The following COG2 variants were observed in gnomAD, a reference collection of about 807,000 sequenced individuals.
The protein encoded by COG2 is component of oligomeric golgi complex 2.
In COG2, 52 loss-of-function variants were observed where a neutral mutation model predicts 90.6. The ratio of observed to expected loss-of-function variants is 0.57; its 90% CI spans 0.46 to 0.72. The LOEUF is 0.72. Ranked by LOEUF, COG2 falls within the 30% of genes least tolerant of loss-of-function variation. The pLI is 0.00. For synonymous variants in COG2, 337 were observed against 320.4 expected, an observed-to-expected ratio of 1.05 and a Z score of -0.55; for missense variants, 829 against 891.2, an observed-to-expected ratio of 0.93 and a Z score of 0.89.
intron 16 of COG2, 164 bp downstream of exon 16, chr1:230,690,317 C>G: frequency 1.6e-6 from 1 of 609,372 alleles, no homozygotes; most frequent in Non-Finnish European, 2.7e-6. Context: ...TCCTCCCTCC[C>G]CACACCCTTG....
intron 9 of COG2, 98 bp downstream of exon 9, chr1:230,675,222 T>TA (rs1301263079): frequency 7.3e-6 from 10 of 1,379,164 alleles, no homozygotes; most frequent in Non-Finnish European, 6.7e-6. Flanking sequence ...TGTGGTTTAT[T>TA]AAAAATAAAA....
intron 3 of COG2, among the ~76,000 whole-genome samples, chr1:230,662,094 C>T (rs923032846): frequency 6.6e-6 from 1 of 152,138 alleles, no homozygotes; most frequent in Non-Finnish European, 1.5e-5. Context: ...ATTCACTCTC[C>T]CGAATTCTGC....
At chr1:230,676,537 G>GT (rs557190427) in intron 9 of COG2, among the ~76,000 whole-genome samples, 1 of 151,586 alleles carries the variant, frequency 6.6e-6, no homozygotes, top group Non-Finnish European at 1.5e-5. Context: ...CTTCTATTAC[G>GT]TTTTTTTTAA....
rs200403799 is a variant in COG2, at chr1:230,671,621, A to C, written c.880A>C (p.Thr294Pro). 5.0e-6 allele frequency: 8 copies of C among 1,613,764 alleles called. No individual in the cohort carries two copies. Among genetic ancestry groups the C allele is most frequent in the Non-Finnish European group, 6.8e-6 (8 of 1,179,782 alleles). ...PHHCRLLREV[T>P]GGAISSEKGN... The stretch of plus-strand genomic sequence containing the variant: ...CCATTGCCGCCTTCTTCGAGAAGTC[A>C]CAGGAGGTGCCATCTCCAGGTAATT... The change falls in exon 8 of 18, where the codon ACA (threonine) becomes CCA (proline). Residue 294 changes from threonine (T) to proline (P), a missense_variant. By Grantham distance (38) the Thr-to-Pro change is conservative. Transcript: ENST00000366669.
chr1:230,659,943 A>G (rs1471196360), intron 2 of COG2, among the ~76,000 whole-genome samples: 1 of 152,244 alleles, frequency 6.6e-6, no homozygotes, highest in Non-Finnish European at 1.5e-5. Flanking sequence ...CCAATTTGCA[A>G]GAGCAAATAT....
At chr1:230,674,925 G>A in intron 8 of COG2, 73 bp from the exon 9 acceptor site, 1 of 1,227,982 alleles carries the variant, frequency 8.1e-7, no homozygotes, top group South Asian at 1.7e-5. Flanking sequence ...TTTGGCAGAA[G>A]CAACACAGTG....
Position 230,690,039 on chromosome 1 carries a change from A to T in COG2, c.1820A>T (p.Tyr607Phe). 1 of 1,609,742 alleles carries T rather than the reference A, an allele frequency of 6.2e-7. No homozygotes were observed. Among genetic ancestry groups the T allele is most frequent in the Non-Finnish European group, 8.5e-7 (1 of 1,178,066 alleles). Reference protein sequence around the residue: ...NKEVPTTASSYVDSALKPLFQ... With the variant: ...NKEVPTTASSFVDSALKPLFQ... ...GAGGTCCCAACCACAGCTTCCTCCT[A>T]TGTGGACAGTGCTCTGAAGCCCTTA... Residue 607 changes from tyrosine (Y) to phenylalanine (F), a missense_variant, in exon 16 of 18, where the codon TAT becomes TTT. Tyr to Phe is a conservative substitution (Grantham distance 22, BLOSUM62 3). Coordinates refer to ENST00000366669, the MANE Select transcript of COG2 (RefSeq NM_007357.3).
At position 230,669,487 on chromosome 1, in the gene COG2, C is replaced by G. The variant is rs751664747; in HGVS notation, c.726C>G (p.Asp242Glu). ...RTYATIDKTR[D>E]AEALVGQVLV... Reference sequence around the variant, plus strand: ...ACGCCACGATTGACAAGACACGGGACGCGGAGGCCTTAGTTGGCCAAGTAC... The same window carrying G: ...ACGCCACGATTGACAAGACACGGGAGGCGGAGGCCTTAGTTGGCCAAGTAC... Residue 242 changes from aspartate to glutamate, a missense_variant, in exon 7 of 18, where the codon GAC (aspartate) becomes GAG (glutamate). Transcript: ENST00000366669. 6.2e-7 allele frequency: 1 copy of G among 1,614,030 alleles called. No homozygotes were observed. The highest frequency in any genetic ancestry group is 1.1e-5 in the South Asian group (1 of 91,082).
At chr1:230,650,977 C>G (rs1455588401) in intron 1 of COG2, among the ~76,000 whole-genome samples, 1 of 152,122 alleles carries the variant, frequency 6.6e-6, no homozygotes, top group African/African-American at 2.4e-5. Context: ...GGCCCTTTGT[C>G]TTAAAGAATG....
At position 230,669,555 on chromosome 1, in the gene COG2, C is replaced by T; in HGVS notation, c.774+20C>T. 1 of 1,605,182 alleles carries T rather than the reference C, an allele frequency of 6.2e-7. No homozygotes were observed. The highest frequency in any genetic ancestry group is 8.5e-7 in the Non-Finnish European group (1 of 1,174,140). ...GACGAGGTCTGTGTACCTCCTTCAA[C>T]AAACATTCATGAGCTTCTGTTCTGT... On this transcript the variant is annotated intron_variant, in intron 7 of 17. Coordinates refer to ENST00000366669, the MANE Select transcript of COG2 (RefSeq NM_007357.3).
Position 230,669,438 on chromosome 1 carries a change from T to C in COG2, c.677T>C (p.Ile226Thr), listed in dbSNP as rs1662395240. 6.2e-7 allele frequency: 1 copy of C among 1,614,128 alleles called. No homozygotes were observed. Among genetic ancestry groups the C allele is most frequent in the African/African-American group, 1.3e-5 (1 of 75,048 alleles). ...LEGLQTSDVD[I>T]IRHCLRTYAT... ...GGCCTTCAGACGTCTGACGTCGATA[T>C]AATACGGCACTGCTTGCGGACTTAC... is the stretch of plus-strand genomic sequence containing the variant. Residue 226 changes from isoleucine (I) to threonine (T), a missense_variant, in exon 7 of 18, where the codon ATA (isoleucine) becomes ACA (threonine). Ile to Thr is a moderately conservative substitution (Grantham distance 89, BLOSUM62 -1). Transcript: ENST00000366669.
intron 11 of COG2, 127 bp downstream of exon 11, chr1:230,683,762 G>A: frequency 1.5e-6 from 1 of 658,742 alleles, no homozygotes; most frequent in East Asian, 2.8e-5. Context: ...ACAGTAAGTT[G>A]GACCTTAAAA....
intron 13 of COG2, among the ~76,000 whole-genome samples, chr1:230,687,355 TC>T (rs1662908897): frequency 1.3e-5 from 2 of 152,204 alleles, no homozygotes; most frequent in South Asian, 4.1e-4. Context: ...GCACTTCTCC[TC>T]CTGTGTGGAG....
intron 1 of COG2, among the ~76,000 whole-genome samples, chr1:230,648,618 CA>C (rs1661843901): frequency 6.6e-6 from 1 of 152,176 alleles, no homozygotes; most frequent in Non-Finnish European, 1.5e-5. Context: ...TCACTTCTTG[CA>C]ATATTATAAA....
intron 3 of COG2, among the ~76,000 whole-genome samples, chr1:230,661,806 G>A (rs571357956): frequency 1.3e-5 from 2 of 152,272 alleles, no homozygotes; most frequent in East Asian, 3.9e-4. Context: ...ATTTTCAAAT[G>A]TTTATGTCTT....
chr1:230,693,240 C>A, intron 17 of COG2, 52 bp from the exon 18 acceptor site: 1 of 1,045,404 alleles, frequency 9.6e-7, no homozygotes, highest in South Asian at 1.3e-5. Flanking sequence ...TTTTCCCCCC[C>A]CATATTCAGC....
intron 10 of COG2, chr1:230,682,558 G>A (rs3789651): frequency 0.28 from 43,070 of 152,126 alleles, 6,252 homozygotes; most frequent in Middle Eastern, 0.32. Context: ...GTACAGGATA[G>A]CCTTAGTGTC....
intron 9 of COG2, among the ~76,000 whole-genome samples, chr1:230,676,028 A>C (rs142041413): frequency 1.3e-5 from 2 of 152,314 alleles, no homozygotes; most frequent in Admixed American, 6.5e-5. Context: ...TTCAAAAATC[A>C]ATGTGTAAGT....
At position 230,685,213 on chromosome 1, in the gene COG2, C is replaced by G. The variant is rs1170466198; in HGVS notation, c.1357C>G (p.Arg453Gly). ...GAGACTCACTCTGCAGATTTTGGCA[C>G]GATACTCTGTGTTTGTCAATGAGGT... is the stretch of plus-strand genomic sequence containing the variant. ...LWRLTLQILA[R>G]YSVFVNELSL... The change falls in exon 12 of 18, where the codon CGA becomes GGA. Residue 453 changes from arginine (R) to glycine (G), a missense_variant. Arg to Gly is a moderately radical substitution (Grantham distance 125). Transcript: ENST00000366669. 6.2e-7 allele frequency: 1 copy of G among 1,614,010 alleles called. No individual in the cohort carries two copies. The highest frequency in any genetic ancestry group is 8.5e-7 in the Non-Finnish European group (1 of 1,180,036).
Sources: gnomAD v4.1 joint callset for allele counts (sites outside exome capture counted in the v4.1 genomes callset) on GRCh38, gnomAD v4.1.1 for gene constraint, MANE v1.5 for transcripts, NCBI Gene and HGNC (gene_info 2026-07-23, HGNC 2026-07-21) for gene names.